PKHD1: variants seen among roughly 807,000 people sequenced by gnomAD.
PKHD1 encodes the protein fibrocystin.
PKHD1 carries 291 observed loss-of-function variants against 412.0 expected under a neutral mutation model. That is an observed-to-expected ratio of 0.71 (90% confidence interval 0.64 to 0.78). PKHD1 has a LOEUF of 0.78. Ranked by LOEUF, PKHD1 falls within the 30% of genes least tolerant of loss-of-function variation. PKHD1 has a pLI of 0.00. For missense variants in PKHD1, 4,825 were observed against 4,950.7 expected, an observed-to-expected ratio of 0.97 and a Z score of 0.76; for synonymous variants, 1,777 against 1,821.5, an observed-to-expected ratio of 0.98 and a Z score of 0.62.
intron 35 of PKHD1, among the ~76,000 whole-genome samples, chr6:51,965,980 T>C (rs1041687026): frequency 6.6e-6 from 1 of 152,140 alleles, no homozygotes; most frequent in Non-Finnish European, 1.5e-5. Context: ...TTTTCACTTG[T>C]GGGAGAAAAA....
intron 60 of PKHD1, among the ~76,000 whole-genome samples, chr6:51,734,564 G>A (rs1783607654): frequency 6.6e-6 from 1 of 152,052 alleles, no homozygotes; most frequent in Admixed American, 6.6e-5. Flanking sequence ...AAATGATGGC[G>A]GTAACCCACG....
chr6:51,874,202 A>AG (rs1218524219), intron 46 of PKHD1, among the ~76,000 whole-genome samples: 1 of 152,232 alleles, frequency 6.6e-6, no homozygotes, highest in Non-Finnish European at 1.5e-5. Context: ...TGCTCAAATT[A>AG]ATTACAATAA....
At chr6:51,997,149 G>A (rs547571646) in intron 35 of PKHD1, among the ~76,000 whole-genome samples, 6 of 152,240 alleles carry the variant, frequency 3.9e-5, no homozygotes, top group African/African-American at 7.2e-5. Flanking sequence ...CATGTGATAC[G>A]AATAGGAAAG....
At chr6:51,840,880 TAAA>T (rs1185913300) in intron 50 of PKHD1, among the ~76,000 whole-genome samples, 1 of 152,142 alleles carries the variant, frequency 6.6e-6, no homozygotes, top group Non-Finnish European at 1.5e-5. Flanking sequence ...TTTAGAGGCA[TAAA>T]AAGTTTCATT....
At chr6:51,952,561 C>A (rs1022325406) in intron 36 of PKHD1, among the ~76,000 whole-genome samples, 1 of 152,010 alleles carries the variant, frequency 6.6e-6, no homozygotes, top group Non-Finnish European at 1.5e-5. Context: ...AAAAAATACA[C>A]CTTGATATTC....
At chr6:52,030,180 A>T (rs548063029) in intron 29 of PKHD1, among the ~76,000 whole-genome samples, 1 of 152,328 alleles carries the variant, frequency 6.6e-6, no homozygotes, top group East Asian at 1.9e-4. Flanking sequence ...TGAAAGAGAA[A>T]AGTCAAAGAA....
At chr6:51,698,985 C>A (rs1779108693) in intron 60 of PKHD1, among the ~76,000 whole-genome samples, 1 of 152,140 alleles carries the variant, frequency 6.6e-6, no homozygotes, top group Non-Finnish European at 1.5e-5. Context: ...CTTTCAAAAC[C>A]CATGGTCTCC....
At position 52,048,536 on chromosome 6, in the gene PKHD1, A is replaced by C; in HGVS notation, c.2363T>G (p.Leu788Arg). The C allele has an allele frequency of 1.2e-6, 2 of 1,613,688 alleles. No individual in the cohort carries two copies. Among genetic ancestry groups the C allele is most frequent in the Non-Finnish European group, 1.7e-6 (2 of 1,179,582 alleles). Residue 788 changes from leucine to arginine, a missense_variant, in exon 23 of 67, where the codon CTA becomes CGA. Coordinates refer to ENST00000371117, the MANE Select transcript of PKHD1 (RefSeq NM_138694.4). The stretch of plus-strand genomic sequence containing the variant: ...AAGCTGGATGCGAAAGTGTCCTCCT[A>C]GAGGTGGACTTGTCCGCTGTCGTCT... Reference protein sequence around the residue: ...TQRRQRTSPPLGGHFRIQLPN... With the variant: ...TQRRQRTSPPRGGHFRIQLPN...
intron 53 of PKHD1, among the ~76,000 whole-genome samples, chr6:51,787,748 C>CTGGAAAGTGGCACAGTG (rs1793115535): frequency 6.6e-6 from 1 of 152,192 alleles, no homozygotes; most frequent in South Asian, 2.1e-4. Flanking sequence ...TAAAGTAAAA[C>CTGGAAAGTGGCACAGTG]TGGAAAGTGG....
intron 24 of PKHD1, among the ~76,000 whole-genome samples, chr6:52,045,398 A>G (rs1011436030): frequency 1.3e-5 from 2 of 152,226 alleles, no homozygotes; most frequent in Non-Finnish European, 2.9e-5. Context: ...GCAATCCAAA[A>G]TATTAAAATA....
rs1768482127 is a variant in PKHD1 at position 51,635,871 on chromosome 6, G to C, written c.11506+2978C>G. On this transcript the variant is annotated intron_variant, in intron 64 of 66. Transcript: ENST00000371117. Reference sequence around the variant, plus strand: ...TTGTGGTGAAGGTGGGGGGGGGCGGGGGGCCGGGGGCGGATTTGTGGGTGA... The same window carrying C: ...TTGTGGTGAAGGTGGGGGGGGGCGGCGGGCCGGGGGCGGATTTGTGGGTGA... Among the ~76,000 whole-genome samples, 4 of 111,402 alleles carry C rather than the reference G, an allele frequency of 3.6e-5. No individual in the cohort carries two copies. The South Asian group carries it at 1.1e-3, about 31-fold the overall frequency. The allele number at this position is 111,402 out of a possible 152,430, so 73.1% of individuals were successfully genotyped here.
intron 37 of PKHD1, among the ~76,000 whole-genome samples, chr6:51,918,858 C>T (rs563859765): frequency 1.3e-5 from 2 of 151,914 alleles, no homozygotes; most frequent in South Asian, 4.1e-4. Flanking sequence ...ACCATTCTCA[C>T]TGGTGTGAGA....
At chr6:51,720,327 T>C (rs1781752237) in intron 60 of PKHD1, among the ~76,000 whole-genome samples, 1 of 152,172 alleles carries the variant, frequency 6.6e-6, no homozygotes, top group Non-Finnish European at 1.5e-5. Flanking sequence ...TCTCATTTTC[T>C]TCAAATGTCC....
At chr6:51,800,557 C>T (rs892711090) in intron 52 of PKHD1, among the ~76,000 whole-genome samples, 7 of 152,156 alleles carry the variant, frequency 4.6e-5, no homozygotes, top group African/African-American at 1.2e-4. Flanking sequence ...GTAAGTTGAA[C>T]GCTAGATTTA....
intron 61 of PKHD1, among the ~76,000 whole-genome samples, chr6:51,658,292 G>T (rs1772224214): frequency 6.6e-6 from 1 of 152,058 alleles, no homozygotes; most frequent in African/African-American, 2.4e-5. Flanking sequence ...ATATATCAAT[G>T]TATAACAGGA....
At chr6:51,870,092 G>C (rs1404975655) in intron 47 of PKHD1, among the ~76,000 whole-genome samples, 1 of 152,114 alleles carries the variant, frequency 6.6e-6, no homozygotes, top group East Asian at 1.9e-4. Flanking sequence ...GCTCCTTCAG[G>C]AAAGGCTGTA....
At chr6:52,067,599 T>C (rs1199335040) in intron 11 of PKHD1, among the ~76,000 whole-genome samples, 2 of 152,042 alleles carry the variant, frequency 1.3e-5, no homozygotes, top group Non-Finnish European at 2.9e-5. Flanking sequence ...GATGGGAGTA[T>C]TGAGGTGTAG....
At chr6:51,881,548 T>G (rs1002572296) in intron 46 of PKHD1, among the ~76,000 whole-genome samples, 1 of 152,184 alleles carries the variant, frequency 6.6e-6, no homozygotes, top group Non-Finnish European at 1.5e-5. Context: ...TAGCTTTTCA[T>G]GAAAAACACT....
chr6:51,811,641 G>A (rs946388127), intron 52 of PKHD1, among the ~76,000 whole-genome samples: 8 of 151,988 alleles, frequency 5.3e-5, no homozygotes, highest in African/African-American at 1.7e-4. Flanking sequence ...TCAGTTTCCC[G>A]GCTACCTGAT....
Sources: allele counts gnomAD v4.1 joint callset (sites outside exome capture counted in the v4.1 genomes callset), GRCh38; gene constraint gnomAD v4.1.1; transcripts MANE v1.5; gene names NCBI Gene and HGNC (gene_info 2026-07-23, HGNC 2026-07-21).